The following RNGTT variants were observed in gnomAD, a reference collection of about 807,000 sequenced individuals.
The protein encoded by RNGTT is mRNA-capping enzyme.
In RNGTT, 33 loss-of-function variants were observed where a neutral mutation model predicts 79.3. The ratio of observed to expected loss-of-function variants is 0.42; its 90% CI spans 0.32 to 0.56. The LOEUF (loss-of-function observed/expected upper bound fraction) is 0.56. Among genes scored for constraint, RNGTT ranks in the 20% least tolerant of loss-of-function variants. The probability of loss-of-function intolerance (pLI) is 0.17; values close to 1 mark genes in which losing one functional copy is unlikely to be tolerated. For synonymous variants in RNGTT, 222 were observed against 235.9 expected (o/e 0.94, Z 0.54); for missense variants, 497 against 739.1 (o/e 0.67, Z 3.80).
intron 13 of RNGTT, among the ~76,000 whole-genome samples, chr6:88,715,596 T>C (rs1173999723): frequency 6.6e-6 from 1 of 152,132 alleles, no homozygotes; most frequent in African/African-American, 2.4e-5. Flanking sequence ...CAAAACAGCA[T>C]AGTACTGGTA....
chr6:88,849,952 G>A, intron 9 of RNGTT, 126 bp from the exon 10 acceptor site: 1 of 882,714 alleles, frequency 1.1e-6, no homozygotes, highest in Non-Finnish European at 1.6e-6. Context: ...AAATTTCAAA[G>A]TGAACACACT....
chr6:88,819,306 T>C (rs1217654481), intron 11 of RNGTT, among the ~76,000 whole-genome samples: 1 of 152,088 alleles, frequency 6.6e-6, no homozygotes. Context: ...AGAAATAGTC[T>C]GTTACACTCA....
chr6:88,836,888 A>C (rs1487143403), intron 11 of RNGTT, among the ~76,000 whole-genome samples: 1 of 152,110 alleles, frequency 6.6e-6, no homozygotes, highest in African/African-American at 2.4e-5. Flanking sequence ...GATCAAGTGC[A>C]AAAAAATACC....
At chr6:88,811,140 T>G (rs1780124147) in intron 11 of RNGTT, among the ~76,000 whole-genome samples, 1 of 152,194 alleles carries the variant, frequency 6.6e-6, no homozygotes, top group Non-Finnish European at 1.5e-5. Context: ...TGAAAAATCT[T>G]GGAGAAATTT....
chr6:88,874,324 G>A (rs1300134874), intron 8 of RNGTT, among the ~76,000 whole-genome samples: 1 of 151,846 alleles, frequency 6.6e-6, no homozygotes, highest in South Asian at 2.1e-4. Context: ...ACGTATTCTG[G>A]GCAGCACTAC....
chr6:88,892,769 G>A (rs1333884071), intron 6 of RNGTT, among the ~76,000 whole-genome samples: 3 of 152,112 alleles, frequency 2.0e-5, no homozygotes, highest in Admixed American at 6.5e-5. Flanking sequence ...CAATAAAAAA[G>A]TTAGTCTACA....
At chr6:88,833,189 G>A (rs375572406) in intron 11 of RNGTT, among the ~76,000 whole-genome samples, 2 of 152,124 alleles carry the variant, frequency 1.3e-5, no homozygotes, top group African/African-American at 2.4e-5. Context: ...GCCCATCAAC[G>A]ATAGACTGGA....
intron 15 of RNGTT, 119 bp downstream of exon 15, chr6:88,614,153 A>G (rs1306859175): frequency 1.1e-6 from 1 of 924,394 alleles, no homozygotes; most frequent in Admixed American, 2.5e-5. Flanking sequence ...CCATCAAACA[A>G]GGATGAAGTC....
At chr6:88,679,019 G>C in intron 13 of RNGTT, among the ~76,000 whole-genome samples, 1 of 151,970 alleles carries the variant, frequency 6.6e-6, no homozygotes, top group Non-Finnish European at 1.5e-5. Flanking sequence ...CCACCACGGA[G>C]ACAGCAAGAC....
chr6:88,726,946 A>G (rs1776928989), intron 13 of RNGTT, among the ~76,000 whole-genome samples: 1 of 151,474 alleles, frequency 6.6e-6, no homozygotes, highest in Non-Finnish European at 1.5e-5. Flanking sequence ...GTCCACAGAC[A>G]TGAAGGAAGT....
intron 12 of RNGTT, among the ~76,000 whole-genome samples, chr6:88,771,344 TATATATACACAC>T (rs1778671470): frequency 1.5e-5 from 2 of 131,254 alleles, no homozygotes; most frequent in African/African-American, 6.1e-5. Flanking sequence ...TATATATATA[TATATATACACAC>T]ACACACACAC....
chr6:88,782,568 A>C (rs955778141), intron 12 of RNGTT, among the ~76,000 whole-genome samples: 2 of 150,824 alleles, frequency 1.3e-5, no homozygotes, highest in African/African-American at 5.0e-5. Context: ...ATCAAACTAA[A>C]AACCTTCTGC....
At chr6:88,719,568 A>G (rs1261216789) in intron 13 of RNGTT, among the ~76,000 whole-genome samples, 3 of 152,204 alleles carry the variant, frequency 2.0e-5, no homozygotes, top group Non-Finnish European at 2.9e-5. Context: ...TTACATATTT[A>G]TTATTGCAAC....
intron 11 of RNGTT, among the ~76,000 whole-genome samples, chr6:88,823,836 AT>A (rs1206021598): frequency 9.2e-5 from 14 of 152,218 alleles, no homozygotes; most frequent in Non-Finnish European, 2.1e-4. Flanking sequence ...AAGAGTTGAG[AT>A]TTAGCTGAGA....
intron 13 of RNGTT, among the ~76,000 whole-genome samples, chr6:88,690,710 T>A (rs1057239951): frequency 2.6e-5 from 4 of 151,926 alleles, no homozygotes; most frequent in African/African-American, 4.8e-5. Flanking sequence ...ACACCCCATC[T>A]CAAAAATAAA....
intron 4 of RNGTT, among the ~76,000 whole-genome samples, chr6:88,923,535 G>C (rs1424957371): frequency 7.9e-5 from 12 of 152,100 alleles, no homozygotes; most frequent in Admixed American, 7.9e-4. Context: ...AGAAGGAAAA[G>C]TTTATTGAGT....
chr6:88,824,681 A>T (rs773175822), intron 11 of RNGTT, among the ~76,000 whole-genome samples: 1 of 152,212 alleles, frequency 6.6e-6, no homozygotes, highest in Non-Finnish European at 1.5e-5. Flanking sequence ...CTGCTTTGAA[A>T]GAAAACACAT....
chr6:88,828,012 C>T (rs967354840), intron 11 of RNGTT, among the ~76,000 whole-genome samples: 7 of 152,292 alleles, frequency 4.6e-5, no homozygotes, highest in South Asian at 2.1e-4. Flanking sequence ...AAGAGAGCAG[C>T]GGATCTCCAG....
intron 14 of RNGTT, among the ~76,000 whole-genome samples, chr6:88,672,590 A>C (rs1774696829): frequency 6.6e-6 from 1 of 152,158 alleles, no homozygotes; most frequent in Admixed American, 6.6e-5. Context: ...AAAAGACTAC[A>C]CATTGGGTAC....
Sources: gnomAD v4.1 joint callset for allele counts (sites outside exome capture counted in the v4.1 genomes callset) on GRCh38, gnomAD v4.1.1 for gene constraint, MANE v1.5 for transcripts, NCBI Gene and HGNC (gene_info 2026-07-23, HGNC 2026-07-21) for gene names.